Variants in NOP2 observed in about 807,000 individuals in gnomAD.
NOP2 encodes the protein 28S rRNA (cytosine(4447)-C(5))-methyltransferase.
Under a neutral mutation model 72.7 loss-of-function variants are expected in NOP2, and 7 were observed. That is an observed-to-expected ratio of 0.10 (90% CI 0.05 to 0.18). The LOEUF (loss-of-function observed/expected upper bound fraction) is 0.18. Ranked by LOEUF, NOP2 falls within the 10% of genes least tolerant of loss-of-function variation. The pLI is 1.00. For synonymous variants in NOP2, 387 were observed against 388.0 expected, an observed-to-expected ratio of 1.00 and a Z score of 0.03; for missense variants, 954 against 1,014.7, an observed-to-expected ratio of 0.94 and a Z score of 0.81.
intron 11 of NOP2, 121 bp from the exon 12 acceptor site, chr12:6,561,191 A>C: frequency 8.3e-7 from 1 of 1,198,152 alleles, no homozygotes; most frequent in Admixed American, 2.2e-5. Flanking sequence ...TTCGCTCCCA[A>C]CAAGCCTGCC....
Position 6,560,657 on chromosome 12 carries a change from C to T in NOP2, c.1437+41G>A, listed in dbSNP as rs1565587527. 4 of 1,612,222 alleles carry T rather than the reference C, an allele frequency of 2.5e-6. No individual in the cohort carries two copies. Among genetic ancestry groups the T allele is most frequent in the Non-Finnish European group, 3.4e-6 (4 of 1,178,790 alleles). ...ATCTCAGTTTCCAGCTCTACGAGACCCAGCCAAGGCCTCTCAGGGGCCCAC... is the reference window on the plus strand; with the variant it reads ...ATCTCAGTTTCCAGCTCTACGAGACTCAGCCAAGGCCTCTCAGGGGCCCAC... On this transcript the variant is annotated intron_variant, in intron 13 of 15. Coordinates refer to ENST00000322166, the MANE Select transcript of NOP2 (RefSeq NM_001258308.2). This position sits in a 1 kb window ranked among gnomAD's most constrained non-coding sequence, Gnocchi z 5.0.
At chr12:6,559,561 T>C (rs1313163404) in intron 15 of NOP2, among the ~76,000 whole-genome samples, 1 of 152,166 alleles carries the variant, frequency 6.6e-6, no homozygotes, top group Non-Finnish European at 1.5e-5. Flanking sequence ...CTTCTCTCCC[T>C]CTTCCAACTA....
intron 5 of NOP2, among the ~76,000 whole-genome samples, chr12:6,564,738 G>A (rs903475499): frequency 3.8e-5 from 5 of 132,294 alleles, no homozygotes; most frequent in Admixed American, 7.6e-5. Flanking sequence ...CCATTTTGTC[G>A]TTTTTTTTTT....
intron 5 of NOP2, 32 bp from the exon 6 acceptor site, chr12:6,563,978 C>G (rs779782932): frequency 1.2e-6 from 2 of 1,607,482 alleles, no homozygotes; most frequent in Admixed American, 3.4e-5. Flanking sequence ...TAATACAGGC[C>G]TGCCCTTCCA....
chr12:6,560,683 C>G lies in NOP2; in HGVS notation c.1437+15G>C, dbSNP rs199789773. 447 of 1,613,270 alleles carry G rather than the reference C, an allele frequency of 2.8e-4. 1 individual carries two copies. The highest frequency in any genetic ancestry group is 3.3e-4 in the Middle Eastern group (2 of 6,060). On this transcript the variant is annotated intron_variant, in intron 13 of 15. Coordinates refer to ENST00000322166, the MANE Select transcript of NOP2 (RefSeq NM_001258308.2). The surrounding 1 kb of genome is among the most constrained non-coding windows in gnomAD (Gnocchi z 5.0). ...CAGCCAAGGCCTCTCAGGGGCCCAC[C>G]ACCTGACTCCTCACCTTGTTAGTCT...
chr12:6,562,050 G>A (rs559511951), intron 9 of NOP2, 79 bp from the exon 10 acceptor site: 17 of 1,061,110 alleles, frequency 1.6e-5, no homozygotes, highest in African/African-American at 1.3e-4. Context: ...GTGAGGTGGC[G>A]CAATCTCGGC....
chr12:6,561,739 T>G lies in NOP2; in HGVS notation c.1132A>C (p.Met378Leu). The G allele has an allele frequency of 6.2e-7, 1 of 1,613,040 alleles. No individual in the cohort carries two copies. Among genetic ancestry groups the G allele is most frequent in the Non-Finnish European group, 8.5e-7 (1 of 1,179,474 alleles). Residue 378 changes from methionine (M) to leucine (L), a missense_variant, in exon 11 of 16, where the codon ATG becomes CTG. Met to Leu is a conservative substitution (Grantham distance 15, BLOSUM62 2). Around this residue, in one of 3 missense-constraint regions of NOP2, gnomAD observed 498 missense variants for 478.3 expected, o/e 1.04. Transcript: ENST00000322166. ...LQGASSMLPV[M>L]ALAPQEHERI... Reference sequence around the variant, plus strand: ...TCATGTTCCTGGGGTGCCAAGGCCATGACGGGCAACATGCTGGAGGCTCCC... The same window carrying G: ...TCATGTTCCTGGGGTGCCAAGGCCAGGACGGGCAACATGCTGGAGGCTCCC...
rs774458716 is a variant in NOP2, at chr12:6,557,399, T to C, written c.2033A>G (p.Asp678Gly). ...TKTQASSSFQ[D>G]SSQPAGKAEG... ...GGCTTTTCCAGCTGGCTGACTGCTATCCTGGAAGCTGGAGGAAGCTTGGGT... is the reference window on the plus strand; with the variant it reads ...GGCTTTTCCAGCTGGCTGACTGCTACCCTGGAAGCTGGAGGAAGCTTGGGT... Residue 678 changes from aspartate to glycine, a missense_variant, in exon 16 of 16, where the codon GAT becomes GGT. Physicochemically the swap from Asp to Gly is moderately conservative, Grantham distance 94. Transcript: ENST00000322166. The C allele has an allele frequency of 1.2e-6, 2 of 1,613,950 alleles. No individual in the cohort carries two copies. The highest frequency in any genetic ancestry group is 1.3e-5 in the African/African-American group (1 of 74,938).
chr12:6,567,882 C>T lies in NOP2; in HGVS notation c.37G>A (p.Gly13Arg), dbSNP rs1420168106. 6.2e-7 allele frequency: 1 copy of T among 1,613,954 alleles called. No homozygotes were observed. The highest frequency in any genetic ancestry group is 1.3e-5 in the African/African-American group (1 of 74,952). ...RKLDPTKEKR[G>R]PGRKARKQKG... Reference sequence around the variant, plus strand: ...TGCTTCCGGGCCTTTCGGCCTGGCCCCCGCTTCTCCTTCGTAGGGTCCAAC... The same window carrying T: ...TGCTTCCGGGCCTTTCGGCCTGGCCTCCGCTTCTCCTTCGTAGGGTCCAAC... The change falls in exon 2 of 16, where the codon GGG becomes AGG. Residue 13 changes from glycine to arginine, a missense_variant. Coordinates refer to ENST00000322166, the MANE Select transcript of NOP2 (RefSeq NM_001258308.2).
rs768153160 is a variant in NOP2 at position 6,563,906 on chromosome 12, C to T, written c.515G>A (p.Arg172Gln). The T allele has an allele frequency of 1.1e-5, 18 of 1,613,674 alleles. No individual in the cohort carries two copies. Among genetic ancestry groups the T allele is most frequent in the South Asian group, 2.2e-5 (2 of 91,020 alleles). Residue 172 changes from arginine (R) to glutamine (Q), a missense_variant, in exon 6 of 16, where the codon CGG becomes CAG. Arg to Gln is a conservative substitution (Grantham distance 43, BLOSUM62 1). This residue lies in a region of NOP2 where 498 missense variants were observed against 478.3 expected (regional missense o/e 1.04). Coordinates refer to ENST00000322166, the MANE Select transcript of NOP2 (RefSeq NM_001258308.2). ...CAAAACTCACCCAGCAGCAGCTTCC[C>T]GGGCCTTCTGCTTCCGAGCAGCTCT... ...IERAARKQKAREAAAGIQWSE... is the reference protein window; with the variant it reads ...IERAARKQKAQEAAAGIQWSE...
Position 6,566,125 on chromosome 12 carries a change from A to G in NOP2, c.450T>C (p.Ser150=), listed in dbSNP as rs747602321. 1.4e-5 allele frequency: 22 copies of G among 1,613,610 alleles called. No homozygotes were observed. The highest frequency in any genetic ancestry group is 1.8e-5 in the Non-Finnish European group (21 of 1,179,762). ...TVDDYGADSN[S]EDEEEGEALL... ...CCGCTTCACCTTCCTCCTCATCCTC[A>G]GAGTTGGAGTCAGCTCCATAGTCAT... is the stretch of plus-strand genomic sequence containing the variant. Residue 150 remains serine, a synonymous_variant, in exon 5 of 16, where the codon TCT becomes TCC. Transcript: ENST00000322166.
At chr12:6,566,999 G>C (rs1381896393) in intron 2 of NOP2, among the ~76,000 whole-genome samples, 177 bp from the exon 3 acceptor site, 1 of 150,708 alleles carries the variant, frequency 6.6e-6, no homozygotes, top group African/African-American at 2.4e-5. Context: ...TTGAAATGGA[G>C]TTTCACTCTT....
chr12:6,561,459 G>A (rs1947647804), intron 11 of NOP2, among the ~76,000 whole-genome samples: 1 of 152,188 alleles, frequency 6.6e-6, no homozygotes, highest in Admixed American at 6.5e-5. Flanking sequence ...CCCATTTTAT[G>A]GATGACAAAA....
rs1947776800 is a variant in NOP2, at chr12:6,566,250, G to T, written c.325C>A (p.Pro109Thr). Reference sequence around the variant, plus strand: ...TCCTCCTCTTCCTCATCACTGCCAGGTGCTGGGCGCTTCTTGCCTCGAGGA... The same window carrying T: ...TCCTCCTCTTCCTCATCACTGCCAGTTGCTGGGCGCTTCTTGCCTCGAGGA... ...NAPRGKKRPA[P>T]GSDEEEEEED... Residue 109 changes from proline to threonine, a missense_variant, in exon 5 of 16, where the codon CCT becomes ACT. This residue lies in a region of NOP2 where 498 missense variants were observed against 478.3 expected (regional missense o/e 1.04). Transcript: ENST00000322166. 1 of 1,613,796 alleles carries T rather than the reference G, an allele frequency of 6.2e-7. No homozygotes were observed. Among genetic ancestry groups the T allele is most frequent in the African/African-American group, 1.3e-5 (1 of 74,884 alleles).
chr12:6,556,940 G>C lies in NOP2; in HGVS notation c.*53C>G. The C allele has an allele frequency of 1.3e-6, 2 of 1,599,918 alleles. No homozygotes were observed. The highest frequency in any genetic ancestry group is 3.6e-5 in the Admixed American group (2 of 56,308). On this transcript the variant is annotated 3_prime_UTR_variant, in exon 16 of 16. Coordinates refer to ENST00000322166, the MANE Select transcript of NOP2 (RefSeq NM_001258308.2). ...AGAGAAGGCATCCTCACAGAGGCAA[G>C]AGTTCCAACCTGGTGACAATGGCAG... is the stretch of plus-strand genomic sequence containing the variant.
Position 6,566,592 on chromosome 12 carries a change from C to G in NOP2, c.175G>C (p.Val59Leu), listed in dbSNP as rs201467180. The stretch of plus-strand genomic sequence containing the variant: ...GACTTATTTGTCTTAGGGGCTTCAA[C>G]AGAGCCCAATCTCCTCTTGGCTGCC... ...KRAAKRRLGS[V>L]EAPKTNKSPE... Residue 59 changes from valine (V) to leucine (L), a missense_variant, in exon 4 of 16, where the codon GTT (valine) becomes CTT (leucine). Val to Leu is a conservative substitution (Grantham distance 32, BLOSUM62 1). Around this residue, in one of 3 missense-constraint regions of NOP2, gnomAD observed 498 missense variants for 478.3 expected, o/e 1.04. Coordinates refer to ENST00000322166, the MANE Select transcript of NOP2 (RefSeq NM_001258308.2). 3.5e-4 allele frequency: 560 copies of G among 1,613,960 alleles called. 3 individuals carry two copies. Among genetic ancestry groups the G allele is most frequent in the Non-Finnish European group, 2.9e-5 (34 of 1,179,856 alleles).
At position 6,560,123 on chromosome 12, in the gene NOP2, G is replaced by T. The variant is rs1353621587; in HGVS notation, c.1764C>A (p.Ser588=). 1.9e-6 allele frequency: 3 copies of T among 1,613,802 alleles called. No homozygotes were observed. Among genetic ancestry groups the T allele is most frequent in the Non-Finnish European group, 2.5e-6 (3 of 1,179,720 alleles). ...CTGTCTGGGACTGAGGGATAGAATTGGAAAATTTCTTGAACTTGGCAATGA... is the reference window on the plus strand; with the variant it reads ...CTGTCTGGGACTGAGGGATAGAATTTGAAAATTTCTTGAACTTGGCAATGA... ...GFFIAKFKKF[S]NSIPQSQTGN... The change falls in exon 15 of 16, where the codon TCC becomes TCA. Residue 588 remains serine, a synonymous_variant. Transcript: ENST00000322166. This position sits in a 1 kb window ranked among gnomAD's most constrained non-coding sequence, Gnocchi z 5.0.
In NOP2 at chr12:6,560,191, T is replaced by C. The variant is rs752395187; in HGVS notation, c.1696A>G (p.Thr566Ala). The C allele has an allele frequency of 6.2e-6, 10 of 1,613,996 alleles. No individual in the cohort carries two copies. The East Asian group carries it at 2.0e-4, about 32-fold the overall frequency. Reference protein sequence around the residue: ...ERRFHPSLRSTRRFYPHTHNM... With the variant: ...ERRFHPSLRSARRFYPHTHNM... ...TGGGTATGAGGGTAGAAGCGTCGGGTAGAACGCAGACTGGGGTGGAAGCGC... is the reference window on the plus strand; with the variant it reads ...TGGGTATGAGGGTAGAAGCGTCGGGCAGAACGCAGACTGGGGTGGAAGCGC... Residue 566 changes from threonine to alanine, a missense_variant, in exon 15 of 16, where the codon ACC becomes GCC. Thr to Ala is a moderately conservative substitution (Grantham distance 58). Transcript: ENST00000322166. This position sits in a 1 kb window ranked among gnomAD's most constrained non-coding sequence, Gnocchi z 5.0.
At chr12:6,558,917 G>A (rs1947576687) in intron 15 of NOP2, among the ~76,000 whole-genome samples, 1 of 152,232 alleles carries the variant, frequency 6.6e-6, no homozygotes, top group African/African-American at 2.4e-5. Context: ...GTGATGAAGT[G>A]CGGGATAATT....
Sources: gnomAD v4.1 joint callset for allele counts (sites outside exome capture counted in the v4.1 genomes callset) on GRCh38, gnomAD v4.1.1 for gene constraint, gnomAD v4.1.1 regional missense constraint, Gnocchi (gnomAD v3.1) non-coding constraint, MANE v1.5 for transcripts, NCBI Gene and HGNC (gene_info 2026-07-23, HGNC 2026-07-21) for gene names.